The following ZNF417 variants were observed in gnomAD, a reference collection of about 807,000 sequenced individuals.
The protein encoded by ZNF417 is zinc finger protein 417.
ZNF417 carries 5 observed loss-of-function variants against 7.4 expected under a neutral mutation model. That is an observed-to-expected ratio of 0.68 (90% CI 0.35 to 1.43). ZNF417 has a LOEUF of 1.43. ZNF417 is among the 40% of genes most tolerant of loss of function. The pLI, the probability that ZNF417 is intolerant of heterozygous loss-of-function variation, is 0.04. For synonymous variants in ZNF417, 147 were observed against 239.1 expected (o/e 0.61, Z 3.55); for missense variants, 437 against 697.3 (o/e 0.63, Z 4.20).
At chr19:57,911,747 G>A (rs1224854261) in intron 2 of ZNF417, among the ~76,000 whole-genome samples, 1 of 152,172 alleles carries the variant, frequency 6.6e-6, no homozygotes, top group African/African-American at 2.4e-5. Flanking sequence ...GATAGAGGAA[G>A]GAAGTGTTAA....
intron 1 of ZNF417, among the ~76,000 whole-genome samples, chr19:57,914,266 AC>A (rs2071924475): frequency 6.6e-6 from 1 of 151,844 alleles, no homozygotes; most frequent in Admixed American, 6.6e-5. Flanking sequence ...CAGGCGAATC[AC>A]CTGAGGTCAG....
At chr19:57,915,452 C>A (rs558049463) in intron 1 of ZNF417, 5 of 467,946 alleles carry the variant, frequency 1.1e-5, no homozygotes, top group South Asian at 9.5e-5. Context: ...ATTGCCTGCG[C>A]CCCTCCCTGT....
intron 2 of ZNF417, among the ~76,000 whole-genome samples, chr19:57,911,043 C>T (rs1375882064): frequency 2.0e-5 from 3 of 152,144 alleles, no homozygotes; most frequent in Non-Finnish European, 4.4e-5. Flanking sequence ...GAAACTCCAT[C>T]TCAAAAAATA....
chr19:57,909,219 G>A lies in ZNF417; in HGVS notation c.1059C>T (p.His353=), dbSNP rs896163792. 1 of 1,613,934 alleles carries A rather than the reference G, an allele frequency of 6.2e-7. No individual in the cohort carries two copies. Among genetic ancestry groups the A allele is most frequent in the African/African-American group, 1.3e-5 (1 of 74,892 alleles). ...QQGHTGERAY[H]CGECGKSFRQ... The stretch of plus-strand genomic sequence containing the variant: ...GAAAAGATTTCCCACATTCCCCACA[G>A]TGATAAGCTCTCTCTCCAGTGTGAC... Residue 353 remains histidine, a synonymous_variant, in exon 3 of 3, where the codon CAC becomes CAT. Transcript: ENST00000312026.
At chr19:57,915,506 G>A (rs1600150719) in intron 1 of ZNF417, 1 of 492,280 alleles carries the variant, frequency 2.0e-6, no homozygotes, top group Non-Finnish European at 3.8e-6. Context: ...TCAGAAACAG[G>A]TGAAACCGTC....
intron 2 of ZNF417, among the ~76,000 whole-genome samples, chr19:57,910,330 G>A (rs558039659): frequency 5.3e-5 from 8 of 152,162 alleles, no homozygotes; most frequent in African/African-American, 1.9e-4. Flanking sequence ...TGGATCACCT[G>A]AGGTCAGAAG....
chr19:57,916,378 C>A lies in ZNF417; in HGVS notation c.33+1G>T. 1.2e-6 allele frequency: 2 copies of A among 1,614,212 alleles called. No individual in the cohort carries two copies. The highest frequency in any genetic ancestry group is 1.7e-6 in the Non-Finnish European group (2 of 1,180,056). On this transcript the variant is annotated splice_donor_variant, in intron 1 of 2. Transcript: ENST00000312026. LOFTEE classifies it high-confidence loss of function. The stretch of plus-strand genomic sequence containing the variant: ...GAGGGCACAGAAGGCGCCACAATTA[C>A]CTGAGTCGGGCGCCTCGGCGCAGCC...
intron 2 of ZNF417, among the ~76,000 whole-genome samples, chr19:57,911,811 GA>G (rs2071901311): frequency 6.6e-6 from 1 of 152,198 alleles, no homozygotes; most frequent in Admixed American, 6.5e-5. Flanking sequence ...GACAGCCAGA[GA>G]GCAGGCAAAG....
Position 57,909,173 on chromosome 19 carries a change from T to A in ZNF417, c.1105A>T (p.Asn369Tyr). ...KSFRQKFCFINHQRVHTGERP... is the reference protein window; with the variant it reads ...KSFRQKFCFIYHQRVHTGERP... ...TCTCCAGTGTGAACACGCTGATGGT[T>A]AATAAAGCAGAACTTCTGACGAAAA... Residue 369 changes from asparagine to tyrosine, a missense_variant, in exon 3 of 3, where the codon AAC becomes TAC. Asn to Tyr is a moderately radical substitution (Grantham distance 143). Coordinates refer to ENST00000312026, the MANE Select transcript of ZNF417 (RefSeq NM_152475.3). The A allele has an allele frequency of 6.2e-7, 1 of 1,614,010 alleles. No homozygotes were observed. The highest frequency in any genetic ancestry group is 8.5e-7 in the Non-Finnish European group (1 of 1,179,888).
At position 57,908,330 on chromosome 19, in the gene ZNF417, G is replaced by A; in HGVS notation, c.*220C>T. On this transcript the variant is annotated 3_prime_UTR_variant, in exon 3 of 3. Transcript: ENST00000312026. Reference sequence around the variant, plus strand: ...GAGGTAGGAGAATCACTTGAACCTGGGAGGCCCAAGTTGCAGTGAGCCAAG... The same window carrying A: ...GAGGTAGGAGAATCACTTGAACCTGAGAGGCCCAAGTTGCAGTGAGCCAAG... 1 of 741,482 alleles carries A rather than the reference G, an allele frequency of 1.3e-6. No individual in the cohort carries two copies. 45.9% of individuals were successfully genotyped at this position (741,482 alleles called of 1,614,324 possible).
chr19:57,913,598 C>G (rs1410574690), intron 1 of ZNF417, among the ~76,000 whole-genome samples: 1 of 152,204 alleles, frequency 6.6e-6, no homozygotes, highest in Admixed American at 6.5e-5. Context: ...TGAATCCAGA[C>G]AGTGATAAAT....
intron 1 of ZNF417, 45 bp from the exon 2 acceptor site, chr19:57,912,234 G>T: frequency 6.2e-7 from 1 of 1,610,532 alleles, no homozygotes; most frequent in Non-Finnish European, 8.5e-7. Flanking sequence ...CTCTGCTGAG[G>T]TACCACAACC....
chr19:57,916,255 G>A (rs2071946728), intron 1 of ZNF417, 124 bp downstream of exon 1: 1 of 1,565,374 alleles, frequency 6.4e-7, no homozygotes, highest in African/African-American at 1.4e-5. Flanking sequence ...CCCCTCCTGC[G>A]AGCGCCTCAG....
At chr19:57,916,121 G>A (rs1166470023) in intron 1 of ZNF417, among the ~76,000 whole-genome samples, 1 of 152,250 alleles carries the variant, frequency 6.6e-6, no homozygotes, top group African/African-American at 2.4e-5. Context: ...TGACGGCTCT[G>A]CGTCAATTAC....
rs2071852892 is a variant in ZNF417, at chr19:57,908,118, A to C, written c.*432T>G. ...TAAGGTAATCTTAGAAAGATGTTGA[A>C]TAGAAAGCAAGCTACGGTGACATCT... On this transcript the variant is annotated 3_prime_UTR_variant, in exon 3 of 3. Transcript: ENST00000312026. 1.1e-5 allele frequency: 2 copies of C among 188,684 alleles called. No individual in the cohort carries two copies. The highest frequency in any genetic ancestry group is 2.2e-5 in the Non-Finnish European group (2 of 89,620). 11.7% of individuals were successfully genotyped at this position (188,684 alleles called of 1,614,324 possible).
chr19:57,914,656 CAT>C (rs910733551), intron 1 of ZNF417, among the ~76,000 whole-genome samples: 1 of 151,822 alleles, frequency 6.6e-6, no homozygotes, highest in African/African-American at 2.4e-5. Flanking sequence ...TCCCTCAACC[CAT>C]AGTGTGTGCA....
At chr19:57,914,464 C>A (rs1326713682) in intron 1 of ZNF417, among the ~76,000 whole-genome samples, 2 of 94,864 alleles carry the variant, frequency 2.1e-5, no homozygotes, top group Non-Finnish European at 3.8e-5. Context: ...CCAGCCTGGG[C>A]AACAAGACCG....
At chr19:57,914,094 T>C (rs183128564) in intron 1 of ZNF417, among the ~76,000 whole-genome samples, 22 of 152,282 alleles carry the variant, frequency 1.4e-4, no homozygotes, top group Admixed American at 6.5e-5. Context: ...ACCAACTTCA[T>C]GTCAGCTGAT....
chr19:57,915,329 C>G (rs752556241), intron 1 of ZNF417: 6 of 199,366 alleles, frequency 3.0e-5, no homozygotes, highest in Non-Finnish European at 6.1e-5. Flanking sequence ...TGGCTTCTAG[C>G]GTCCTCACCT....
Sources: allele counts gnomAD v4.1 joint callset (sites outside exome capture counted in the v4.1 genomes callset), GRCh38; gene constraint gnomAD v4.1.1; transcripts MANE v1.5; gene names NCBI Gene and HGNC (gene_info 2026-07-23, HGNC 2026-07-21).